Variants in ARGFX observed in about 807,000 individuals in gnomAD.
ARGFX encodes the protein arginine-fifty homeobox.
ARGFX carries 10 observed loss-of-function variants against 8.0 expected under a neutral mutation model. That is an observed-to-expected ratio of 1.25 (90% CI 0.77 to 2.12). ARGFX has a LOEUF of 2.12. Ranked by LOEUF, ARGFX falls within the 30% of genes most tolerant of loss-of-function variation. The pLI, the probability that ARGFX is intolerant of heterozygous loss-of-function variation, is 0.00. For missense variants in ARGFX, 282 were observed against 324.3 expected (o/e 0.87, Z 1.00); for synonymous variants, 116 against 117.8 (o/e 0.98, Z 0.10).
At position 121,587,211 on chromosome 3, in the gene ARGFX, C is replaced by T. The variant is rs1454174531; in HGVS notation, c.*611C>T. Among the ~76,000 whole-genome samples, 2 of 152,162 alleles carry T rather than the reference C, an allele frequency of 1.3e-5. No homozygotes were observed. Among genetic ancestry groups the T allele is most frequent in the African/African-American group, 2.4e-5 (1 of 41,438 alleles). On this transcript the variant is annotated 3_prime_UTR_variant, in exon 5 of 5. Transcript: ENST00000334384. Reference sequence around the variant, plus strand: ...GGATTACAGGCGTGTGCCACCATGCCTGGCTAACTTTTGTATTTTTAGTAG... The same window carrying T: ...GGATTACAGGCGTGTGCCACCATGCTTGGCTAACTTTTGTATTTTTAGTAG...
In ARGFX at chr3:121,590,522, G is replaced by A. The variant is rs1384919550; in HGVS notation, c.*3922G>A. 1.3e-5 allele frequency among the ~76,000 whole-genome samples: 2 copies of A among 149,412 alleles called. No individual in the cohort carries two copies. Among genetic ancestry groups the A allele is most frequent in the African/African-American group, 4.9e-5 (2 of 40,458 alleles). The stretch of plus-strand genomic sequence containing the variant: ...TCCCTTCCTTCTGCCATGGGAGGAT[G>A]AAACATGAAGGCCCTGGCCAGGTGT... On this transcript the variant is annotated 3_prime_UTR_variant, in exon 5 of 5. Transcript: ENST00000334384.
At chr3:121,575,292 C>T (rs939131494) in intron 2 of ARGFX, among the ~76,000 whole-genome samples, 1 of 151,544 alleles carries the variant, frequency 6.6e-6, no homozygotes, top group Non-Finnish European at 1.5e-5. Context: ...TGCACTCCAG[C>T]CTGGCGACAG....
At chr3:121,570,064 C>A (rs192101390) in intron 1 of ARGFX, among the ~76,000 whole-genome samples, 1 of 152,160 alleles carries the variant, frequency 6.6e-6, no homozygotes, top group Non-Finnish European at 1.5e-5. Flanking sequence ...TTCCAAATAG[C>A]TTTTAAACAT....
intron 3 of ARGFX, among the ~76,000 whole-genome samples, chr3:121,584,497 T>C (rs1262447139): frequency 2.6e-5 from 4 of 151,998 alleles, no homozygotes; most frequent in African/African-American, 9.7e-5. Context: ...ATAACAAAAG[T>C]GTGAAAAAGA....
At chr3:121,572,823 A>G (rs893058782) in intron 2 of ARGFX, among the ~76,000 whole-genome samples, 2 of 152,228 alleles carry the variant, frequency 1.3e-5, no homozygotes, top group Non-Finnish European at 2.9e-5. Flanking sequence ...ATATAGACCA[A>G]TAGAAGAGAG....
At chr3:121,572,095 G>A (rs1255488006) in intron 2 of ARGFX, among the ~76,000 whole-genome samples, 1 of 151,988 alleles carries the variant, frequency 6.6e-6, no homozygotes, top group Non-Finnish European at 1.5e-5. Flanking sequence ...GCCTCTCAAA[G>A]TACTGGGATT....
intron 2 of ARGFX, 66 bp downstream of exon 2, chr3:121,570,882 T>G: frequency 9.2e-7 from 1 of 1,084,180 alleles, no homozygotes; most frequent in Non-Finnish European, 1.3e-6. Flanking sequence ...GCCCTACAAT[T>G]GCATTTTGCA....
chr3:121,575,007 T>C (rs66494182), intron 2 of ARGFX, among the ~76,000 whole-genome samples: 42,410 of 152,068 alleles, frequency 0.28, 6,333 homozygotes, highest in East Asian at 0.62. Flanking sequence ...AAAAAATAAG[T>C]ATTTGTTGTT....
chr3:121,586,397 T>C lies in ARGFX; in HGVS notation c.745T>C (p.Cys249Arg). The C allele has an allele frequency of 6.2e-7, 1 of 1,614,228 alleles. No homozygotes were observed. Among genetic ancestry groups the C allele is most frequent in the African/African-American group, 1.3e-5 (1 of 75,062 alleles). The change falls in exon 5 of 5, where the codon TGT becomes CGT. Residue 249 changes from cysteine (C) to arginine (R), a missense_variant. By Grantham distance (180) the Cys-to-Arg change is radical (BLOSUM62 -3). Coordinates refer to ENST00000334384, the MANE Select transcript of ARGFX (RefSeq NM_001012659.2). ...ENEISSSSFH[C>R]LYQYLSPTKY... ...TGAGATATCCAGCTCTTCTTTCCACTGTCTGTATCAGTATCTCTCACCCAC... is the reference window on the plus strand; with the variant it reads ...TGAGATATCCAGCTCTTCTTTCCACCGTCTGTATCAGTATCTCTCACCCAC...
intron 4 of ARGFX, 88 bp downstream of exon 4, chr3:121,585,153 C>T: frequency 7.1e-7 from 1 of 1,411,082 alleles, no homozygotes; most frequent in Non-Finnish European, 9.6e-7. Context: ...TACCCCTGCC[C>T]CACAATAATA....
rs546159713 is a variant in ARGFX, at chr3:121,587,295, G to A, written c.*695G>A. Among the ~76,000 whole-genome samples, 62 of 151,798 alleles carry A rather than the reference G, an allele frequency of 4.1e-4. 1 individual carries two copies. The highest frequency in any genetic ancestry group is 2.9e-4 in the African/African-American group (12 of 41,398). ...TTGAACTCCTGACCTCCAGTGATCC[G>A]CCTGCCTTGACCTCCCAAAGTGCTG... On this transcript the variant is annotated 3_prime_UTR_variant, in exon 5 of 5. Transcript: ENST00000334384.
intron 2 of ARGFX, among the ~76,000 whole-genome samples, chr3:121,572,435 T>C (rs545696320): frequency 1.3e-5 from 2 of 151,192 alleles, no homozygotes; most frequent in Admixed American, 1.3e-4. Flanking sequence ...AGAGACAGGG[T>C]TTCACCATGT....
In ARGFX at chr3:121,570,781, T is replaced by C. The variant is rs188489586; in HGVS notation, c.68T>C (p.Met23Thr). 1.2e-6 allele frequency: 2 copies of C among 1,608,544 alleles called. No individual in the cohort carries two copies. The highest frequency in any genetic ancestry group is 1.1e-5 in the South Asian group (1 of 89,746). ...DPFINRNYSN[M>T]KVIPPQDPAS... is the part of the protein sequence containing the mutation. ...TTCATCAATAGGAATTATTCCAACA[T>C]GAAGGTGATACCACCACAGGATCCA... is the stretch of plus-strand genomic sequence containing the variant. Residue 23 changes from methionine (M) to threonine (T), a missense_variant, in exon 2 of 5, where the codon ATG becomes ACG. Coordinates refer to ENST00000334384, the MANE Select transcript of ARGFX (RefSeq NM_001012659.2).
rs1374705363 is a variant in ARGFX, at chr3:121,584,992, A to G, written c.296A>G (p.Gln99Arg). Reference sequence around the variant, plus strand: ...GAGGAGCTAGAAGCTCTGTTTAGCCAGACCATGTTCCCAGATAGAAATCTT... The same window carrying G: ...GAGGAGCTAGAAGCTCTGTTTAGCCGGACCATGTTCCCAGATAGAAATCTT... ...QYEELEALFS[Q>R]TMFPDRNLQE... Residue 99 changes from glutamine to arginine, a missense_variant, in exon 4 of 5, where the codon CAG becomes CGG. By Grantham distance (43) the Gln-to-Arg change is conservative. Coordinates refer to ENST00000334384, the MANE Select transcript of ARGFX (RefSeq NM_001012659.2). The G allele has an allele frequency of 1.2e-6, 2 of 1,613,940 alleles. No individual in the cohort carries two copies. The highest frequency in any genetic ancestry group is 2.7e-5 in the African/African-American group (2 of 74,930).
intron 3 of ARGFX, 44 bp downstream of exon 3, chr3:121,576,944 A>G (rs1006593798): frequency 3.7e-6 from 1 of 269,402 alleles, no homozygotes. Context: ...AGATTTCACC[A>G]TGTGGTCCAG....
chr3:121,588,846 G>C lies in ARGFX; in HGVS notation c.*2246G>C, dbSNP rs1450713332. On this transcript the variant is annotated 3_prime_UTR_variant, in exon 5 of 5. Transcript: ENST00000334384. ...GGAGGCTGAGGCAGGAGAATCACAAGGATTGAAACTATGCAGTGTGTTCTC... is the reference window on the plus strand; with the variant it reads ...GGAGGCTGAGGCAGGAGAATCACAACGATTGAAACTATGCAGTGTGTTCTC... Among the ~76,000 whole-genome samples the C allele has an allele frequency of 6.6e-6, 1 of 151,908 alleles. No homozygotes were observed. Among genetic ancestry groups the C allele is most frequent in the Non-Finnish European group, 1.5e-5 (1 of 68,028 alleles).
chr3:121,569,371 T>TC (rs1486322313), intron 1 of ARGFX, among the ~76,000 whole-genome samples: 2 of 150,428 alleles, frequency 1.3e-5, no homozygotes, highest in East Asian at 3.9e-4. Context: ...ACTTTTTTTT[T>TC]TTTTTTTTTT....
rs1380303675 is a variant in ARGFX, at chr3:121,583,784, C to G, written c.221-1133C>G. On this transcript the variant is annotated intron_variant, in intron 3 of 4. Coordinates refer to ENST00000334384, the MANE Select transcript of ARGFX (RefSeq NM_001012659.2). The stretch of plus-strand genomic sequence containing the variant: ...TCATGTGATGCTCTTACCTTGGCCT[C>G]CCATAAGTGCTGGGATTACAGGTGT... 2.6e-5 allele frequency among the ~76,000 whole-genome samples: 4 copies of G among 152,144 alleles called. No homozygotes were observed. In the East Asian group the frequency reaches 7.7e-4, roughly 29 times the overall value.
chr3:121,580,203 C>A (rs550179987), intron 3 of ARGFX, among the ~76,000 whole-genome samples: 31 of 151,654 alleles, frequency 2.0e-4, no homozygotes, highest in African/African-American at 7.5e-4. Flanking sequence ...TAAGACAGAG[C>A]AAGACCTTAT....
Sources: gnomAD v4.1 joint callset for allele counts (sites outside exome capture counted in the v4.1 genomes callset) on GRCh38, gnomAD v4.1.1 for gene constraint, MANE v1.5 for transcripts, NCBI Gene and HGNC (gene_info 2026-07-23, HGNC 2026-07-21) for gene names.